KHDRBS2: variants seen among roughly 807,000 people sequenced by gnomAD.
The protein encoded by KHDRBS2 is KH domain-containing, RNA-binding, signal transduction-associated protein 2.
In KHDRBS2, 26 loss-of-function variants were observed where a neutral mutation model predicts 44.3. The ratio of observed to expected loss-of-function variants is 0.59; its 90% CI spans 0.43 to 0.81. The LOEUF (loss-of-function observed/expected upper bound fraction) is 0.81. Among genes scored for constraint, KHDRBS2 ranks in the 40% least tolerant of loss-of-function variants. The pLI, the probability that KHDRBS2 is intolerant of heterozygous loss-of-function variation, is 0.00. For synonymous variants in KHDRBS2, 194 were observed against 151.1 expected (o/e 1.28, Z -2.08); for missense variants, 476 against 433.1 (o/e 1.10, Z -0.88).
chr6:61,617,112 C>G, the KHDRBS2 span, among the ~76,000 whole-genome samples: 126,216 of 152,114 alleles, frequency 0.83, 52,578 homozygotes, highest in Non-Finnish European at 0.87. Flanking sequence ...ATTTTCACCA[C>G]ACGTAATTGG....
chr6:61,577,804 A>G, the KHDRBS2 span, among the ~76,000 whole-genome samples: 1 of 152,174 alleles, frequency 6.6e-6, no homozygotes, highest in Non-Finnish European at 1.5e-5. Context: ...CTAAAATACT[A>G]CAGTCATTTT....
chr6:62,224,240 C>G (rs1585282107), intron 1 of KHDRBS2, among the ~76,000 whole-genome samples: 3 of 152,042 alleles, frequency 2.0e-5, no homozygotes, highest in African/African-American at 7.3e-5. Flanking sequence ...AAAGCAGAAA[C>G]CCCTGATAAA....
At chr6:61,987,354 C>T (rs1470347166) in intron 3 of KHDRBS2, among the ~76,000 whole-genome samples, 1 of 152,122 alleles carries the variant, frequency 6.6e-6, no homozygotes, top group African/African-American at 2.4e-5. Flanking sequence ...CTTCCAATGA[C>T]AGGAATAAAC....
At chr6:61,733,603 G>GAAA (rs71685251) in intron 6 of KHDRBS2, among the ~76,000 whole-genome samples, 6 of 119,048 alleles carry the variant, frequency 5.0e-5, no homozygotes, top group Non-Finnish European at 9.1e-5. Context: ...TCTCAAAAAA[G>GAAA]AAAAAAAAAA....
the KHDRBS2 span, among the ~76,000 whole-genome samples, chr6:61,560,306 A>G: frequency 1.3e-5 from 2 of 152,058 alleles, no homozygotes; most frequent in South Asian, 4.1e-4. Context: ...GTGTAGTCTG[A>G]TTGGTGTCCA....
At chr6:62,186,763 A>G (rs1823517914) in intron 1 of KHDRBS2, among the ~76,000 whole-genome samples, 1 of 152,056 alleles carries the variant, frequency 6.6e-6, no homozygotes, top group African/African-American at 2.4e-5. Flanking sequence ...AGATTTATTT[A>G]TTTTTAACTG....
At chr6:62,146,211 T>A (rs571281718) in intron 2 of KHDRBS2, among the ~76,000 whole-genome samples, 5 of 151,976 alleles carry the variant, frequency 3.3e-5, no homozygotes, top group Non-Finnish European at 5.9e-5. Context: ...GTATCATTGA[T>A]TATTGTAAAT....
At chr6:62,083,605 G>A (rs1034702917) in intron 2 of KHDRBS2, among the ~76,000 whole-genome samples, 5 of 152,068 alleles carry the variant, frequency 3.3e-5, no homozygotes, top group Non-Finnish European at 7.4e-5. Flanking sequence ...AGGCCCACAT[G>A]GAGTTCTGCT....
chr6:61,734,664 ATTAT>A (rs1562058433), intron 6 of KHDRBS2, among the ~76,000 whole-genome samples: 1 of 152,142 alleles, frequency 6.6e-6, no homozygotes, highest in Non-Finnish European at 1.5e-5. Flanking sequence ...TATGACATAA[ATTAT>A]TTAATATAAT....
intron 1 of KHDRBS2, among the ~76,000 whole-genome samples, chr6:62,181,980 T>A (rs1188426778): frequency 6.6e-6 from 1 of 151,912 alleles, no homozygotes; most frequent in East Asian, 1.9e-4. Flanking sequence ...AGAGCTATGA[T>A]AAATAAATGA....
chr6:61,655,874 T>C, the KHDRBS2 span, among the ~76,000 whole-genome samples: 1 of 152,042 alleles, frequency 6.6e-6, no homozygotes, highest in East Asian at 1.9e-4. Context: ...GTGGAGTTTG[T>C]TTGAAGTTTT....
At chr6:62,233,853 A>G (rs1833271776) in intron 1 of KHDRBS2, among the ~76,000 whole-genome samples, 4 of 152,132 alleles carry the variant, frequency 2.6e-5, no homozygotes, top group Non-Finnish European at 1.5e-5. Flanking sequence ...TCCACAGTGT[A>G]TATGTACCAC....
chr6:61,679,020 T>C (rs1766098957), downstream of KHDRBS2: 1 of 151,898 alleles, frequency 6.6e-6, no homozygotes, highest in Non-Finnish European at 1.5e-5. Context: ...GGCAAATATT[T>C]ACAATTTTAA....
intron 7 of KHDRBS2, among the ~76,000 whole-genome samples, chr6:61,706,679 G>A (rs1243348567): frequency 1.3e-5 from 2 of 151,702 alleles, no homozygotes; most frequent in African/African-American, 2.4e-5. Flanking sequence ...CTGGGAATAC[G>A]AAGTGGAAAA....
chr6:61,968,444 TAAGA>T (rs1394407454), intron 4 of KHDRBS2, among the ~76,000 whole-genome samples: 1 of 151,816 alleles, frequency 6.6e-6, no homozygotes, highest in African/African-American at 2.4e-5. Flanking sequence ...GCCATGAAAA[TAAGA>T]AAGTGAAAAC....
chr6:61,653,710 A>G, the KHDRBS2 span, among the ~76,000 whole-genome samples: 2 of 152,228 alleles, frequency 1.3e-5, no homozygotes, highest in South Asian at 4.1e-4. Flanking sequence ...CTTCCCAGAC[A>G]GTGACTGGGA....
chr6:62,062,360 T>C (rs532960805), intron 2 of KHDRBS2, among the ~76,000 whole-genome samples: 10 of 141,962 alleles, frequency 7.0e-5, no homozygotes, highest in African/African-American at 2.1e-4. Context: ...TATTCCAAAA[T>C]TGACCACATA....
chr6:61,949,543 T>A (rs1764314842), intron 4 of KHDRBS2, among the ~76,000 whole-genome samples: 1 of 151,802 alleles, frequency 6.6e-6, no homozygotes, highest in African/African-American at 2.4e-5. Flanking sequence ...CAATATACTA[T>A]TTTTTTCAAA....
chr6:62,245,188 T>G (rs1201670629), intron 1 of KHDRBS2, among the ~76,000 whole-genome samples: 1 of 152,168 alleles, frequency 6.6e-6, no homozygotes, highest in Non-Finnish European at 1.5e-5. Flanking sequence ...CTAGAAGATT[T>G]GCTGCATTCT....
Sources: gnomAD v4.1 joint callset for allele counts (sites outside exome capture counted in the v4.1 genomes callset) on GRCh38, gnomAD v4.1.1 for gene constraint, MANE v1.5 for transcripts, NCBI Gene and HGNC (gene_info 2026-07-23, HGNC 2026-07-21) for gene names.